The following FHIT variants were observed in gnomAD, a reference collection of about 807,000 sequenced individuals.
FHIT encodes the protein fragile histidine triad diadenosine triphosphatase.
Under a neutral mutation model 17.9 loss-of-function variants are expected in FHIT, and 19 were observed. The observed-to-expected ratio is 1.06, with a 90% CI of 0.74 to 1.56. The LOEUF is 1.56. FHIT is among the 40% of genes most tolerant of loss of function. FHIT has a pLI of 0.00. For synonymous variants in FHIT, 81 were observed against 69.7 expected, an observed-to-expected ratio of 1.16 and a Z score of -0.81; for missense variants, 248 against 189.2, an observed-to-expected ratio of 1.31 and a Z score of -1.82.
chr3:60,421,834 T>C (rs1227787242), intron 5 of FHIT, among the ~76,000 whole-genome samples: 2 of 152,148 alleles, frequency 1.3e-5, no homozygotes, highest in Admixed American at 6.5e-5. Context: ...TTTTGTTGTA[T>C]AGAATGTGGT....
rs200647797 is a variant in FHIT, at chr3:60,812,348, T to TG, written c.-18+9570dup. ...CTAATTTTTGTATTTTTAGTAGAGA[T>TG]GGAGTTTCATCGTGTTGCCCAAGCT... On this transcript the variant is annotated intron_variant, in intron 4 of 9. Transcript: ENST00000492590. Among the ~76,000 whole-genome samples, 1,511 of 152,018 alleles carry TG rather than the reference T, an allele frequency of 9.9e-3. 21 individuals are homozygous for TG. The highest frequency in any genetic ancestry group is 0.034 in the African/African-American group (1,390 of 41,464).
chr3:60,524,769 CCT>C (rs1301040714), intron 5 of FHIT, among the ~76,000 whole-genome samples: 25 of 152,118 alleles, frequency 1.6e-4, no homozygotes, highest in African/African-American at 6.0e-4. Flanking sequence ...ATGTAATCTC[CCT>C]GTCTCACTCT....
At chr3:60,673,569 G>A (rs781933863) in intron 4 of FHIT, among the ~76,000 whole-genome samples, 8 of 152,092 alleles carry the variant, frequency 5.3e-5, no homozygotes, top group Non-Finnish European at 7.3e-5. Context: ...AATAGCTAAT[G>A]CATGTGTGGC....
intron 3 of FHIT, among the ~76,000 whole-genome samples, chr3:60,844,870 T>C (rs896451150): frequency 6.6e-6 from 1 of 152,160 alleles, no homozygotes; most frequent in Non-Finnish European, 1.5e-5. Flanking sequence ...TGCCTTATTA[T>C]TCTTGGTCCC....
intron 4 of FHIT, among the ~76,000 whole-genome samples, chr3:60,700,893 C>G (rs1052530248): frequency 6.6e-6 from 1 of 152,062 alleles, no homozygotes; most frequent in Non-Finnish European, 1.5e-5. Flanking sequence ...ATATCCCTAG[C>G]CATTTTTCTC....
At chr3:60,583,561 A>G (rs1376229767) in intron 4 of FHIT, among the ~76,000 whole-genome samples, 6 of 152,050 alleles carry the variant, frequency 3.9e-5, no homozygotes, top group African/African-American at 1.4e-4. Flanking sequence ...CTAAAACTTG[A>G]GTTTCACATC....
intron 5 of FHIT, among the ~76,000 whole-genome samples, chr3:60,506,958 G>A (rs1386784619): frequency 6.6e-6 from 1 of 152,158 alleles, no homozygotes; most frequent in Non-Finnish European, 1.5e-5. Context: ...GATTTAGTGT[G>A]TGTAAAACAT....
At chr3:61,173,114 A>G (rs2038055059) in intron 2 of FHIT, among the ~76,000 whole-genome samples, 2 of 152,322 alleles carry the variant, frequency 1.3e-5, no homozygotes, top group South Asian at 4.1e-4. Flanking sequence ...TGATTTAAAA[A>G]TGTTAATATT....
chr3:60,924,797 T>TA (rs1182362724), intron 3 of FHIT, among the ~76,000 whole-genome samples: 1 of 151,152 alleles, frequency 6.6e-6, no homozygotes, highest in Non-Finnish European at 1.5e-5. Context: ...GGCAAAGAAG[T>TA]AAAAAACCTT....
intron 8 of FHIT, among the ~76,000 whole-genome samples, chr3:59,805,176 C>T (rs1028674725): frequency 1.3e-5 from 2 of 152,168 alleles, no homozygotes; most frequent in Non-Finnish European, 2.9e-5. Context: ...GGCACTTACT[C>T]CTTCAGAGCT....
At chr3:60,865,935 T>A (rs1373531742) in intron 3 of FHIT, among the ~76,000 whole-genome samples, 1 of 152,116 alleles carries the variant, frequency 6.6e-6, no homozygotes, top group African/African-American at 2.4e-5. Context: ...TTGCACACAA[T>A]TGTAGATTTT....
intron 5 of FHIT, among the ~76,000 whole-genome samples, chr3:60,150,698 GC>G (rs1700428513): frequency 6.6e-6 from 1 of 152,128 alleles, no homozygotes; most frequent in African/African-American, 2.4e-5. Context: ...CGGGCAGACC[GC>G]CTGAGCTCAG....
chr3:60,860,039 T>C (rs554126648), intron 3 of FHIT, among the ~76,000 whole-genome samples: 1 of 148,718 alleles, frequency 6.7e-6, no homozygotes, highest in Non-Finnish European at 1.5e-5. Context: ...TGGGACTACA[T>C]CTCAAAAAAA....
chr3:60,567,318 C>T (rs1233864614), intron 4 of FHIT, among the ~76,000 whole-genome samples: 2 of 151,738 alleles, frequency 1.3e-5, no homozygotes, highest in Non-Finnish European at 2.9e-5. Context: ...TATCTACAAC[C>T]ATCTGATCTT....
chr3:60,690,313 A>T (rs1244320085), intron 4 of FHIT: 3 of 563,530 alleles, frequency 5.3e-6, no homozygotes, highest in Non-Finnish European at 1.0e-5. Flanking sequence ...CACAATATCC[A>T]TGCCTTCTTT....
intron 8 of FHIT, among the ~76,000 whole-genome samples, chr3:59,800,993 G>T (rs1428752302): frequency 2.0e-5 from 3 of 152,154 alleles, no homozygotes; most frequent in Non-Finnish European, 4.4e-5. Flanking sequence ...AAGAGTTGTT[G>T]TACATTTCTT....
Position 61,041,608 on chromosome 3 carries a change from T to C in FHIT, c.-111+439A>G, listed in dbSNP as rs1177096896. On this transcript the variant is annotated intron_variant, in intron 3 of 9. Coordinates refer to ENST00000492590, the MANE Select transcript of FHIT (RefSeq NM_002012.4). Reference sequence around the variant, plus strand: ...AACTCACAATTGCTGATATCTACCCTTTCCTCCTTACGAAGATAGAAATGC... The same window carrying C: ...AACTCACAATTGCTGATATCTACCCCTTCCTCCTTACGAAGATAGAAATGC... Among the ~76,000 whole-genome samples, 9 of 152,010 alleles carry C rather than the reference T, an allele frequency of 5.9e-5. No homozygotes were observed. In the South Asian group the frequency reaches 1.9e-3, roughly 31 times the overall value.
intron 5 of FHIT, among the ~76,000 whole-genome samples, chr3:60,232,801 T>A (rs184446377): frequency 6.6e-6 from 1 of 152,310 alleles, no homozygotes; most frequent in African/African-American, 2.4e-5. Flanking sequence ...TCTAAAGCCA[T>A]GTCATATACA....
intron 2 of FHIT, among the ~76,000 whole-genome samples, chr3:61,042,582 T>C (rs1268301907): frequency 6.6e-6 from 1 of 152,176 alleles, no homozygotes; most frequent in East Asian, 1.9e-4. Flanking sequence ...CTCACACCTG[T>C]GATCCCAGCA....
Sources: allele counts gnomAD v4.1 joint callset (sites outside exome capture counted in the v4.1 genomes callset), GRCh38; gene constraint gnomAD v4.1.1; transcripts MANE v1.5; gene names NCBI Gene and HGNC (gene_info 2026-07-23, HGNC 2026-07-21).